PITPNA: variants seen among roughly 807,000 people sequenced by gnomAD.
The protein encoded by PITPNA is phosphatidylinositol transfer protein alpha isoform.
In PITPNA, 13 loss-of-function variants were observed where a neutral mutation model predicts 50.3. The ratio of observed to expected loss-of-function variants is 0.26; its 90% CI spans 0.17 to 0.41. The LOEUF (loss-of-function observed/expected upper bound fraction) is 0.41. PITPNA is among the 10% of genes least tolerant of loss of function. The pLI, the probability that PITPNA is intolerant of heterozygous loss-of-function variation, is 1.00. For synonymous variants in PITPNA, 120 were observed against 119.6 expected (o/e 1.00, Z -0.02); for missense variants, 207 against 333.4 (o/e 0.62, Z 2.95).
intron 2 of PITPNA, among the ~76,000 whole-genome samples, chr17:1,553,400 T>G (rs2075719460): frequency 6.6e-6 from 1 of 152,106 alleles, no homozygotes; most frequent in Non-Finnish European, 1.5e-5. Context: ...CAGGGTTTAT[T>G]TTTATTTATT....
intron 4 of PITPNA, among the ~76,000 whole-genome samples, chr17:1,545,298 G>T (rs1309469042): frequency 6.6e-6 from 1 of 152,210 alleles, no homozygotes; most frequent in Non-Finnish European, 1.5e-5. Flanking sequence ...AAGCCATGAG[G>T]CATTTTACTT....
chr17:1,527,829 G>A (rs763483368), intron 10 of PITPNA, among the ~76,000 whole-genome samples: 2 of 152,186 alleles, frequency 1.3e-5, no homozygotes, highest in South Asian at 2.1e-4. Flanking sequence ...ATCTTTCCAC[G>A]TTATTTTTTA....
intron 3 of PITPNA, among the ~76,000 whole-genome samples, chr17:1,550,950 C>T (rs912052704): frequency 6.6e-6 from 1 of 152,138 alleles, no homozygotes; most frequent in East Asian, 1.9e-4. Context: ...ATGTTGGAGA[C>T]GCTGAGGAGA....
At chr17:1,541,814 T>C in intron 5 of PITPNA, 174 bp from the exon 6 acceptor site, 1 of 697,728 alleles carries the variant, frequency 1.4e-6, no homozygotes, top group Non-Finnish European at 2.7e-6. Flanking sequence ...GCATGTATTA[T>C]CCCATTCAAT....
intron 9 of PITPNA, among the ~76,000 whole-genome samples, chr17:1,534,613 G>C (rs921523252): frequency 1.3e-5 from 2 of 152,180 alleles, no homozygotes; most frequent in East Asian, 3.8e-4. Context: ...GCCCAAGTGA[G>C]GCTCAAACAT....
chr17:1,528,875 C>T (rs1237685972), intron 10 of PITPNA, among the ~76,000 whole-genome samples: 4 of 151,224 alleles, frequency 2.6e-5, no homozygotes, highest in South Asian at 2.1e-4. Context: ...TGGTGGCTCA[C>T]ACCTGTAATC....
At chr17:1,523,030 G>C (rs1331252913) in intron 10 of PITPNA, among the ~76,000 whole-genome samples, 2 of 152,168 alleles carry the variant, frequency 1.3e-5, no homozygotes, top group Non-Finnish European at 2.9e-5. Flanking sequence ...CTAGGCACAA[G>C]GATGCAGAGG....
chr17:1,533,636 A>G (rs2075597209), intron 10 of PITPNA, among the ~76,000 whole-genome samples: 1 of 152,072 alleles, frequency 6.6e-6, no homozygotes, highest in Non-Finnish European at 1.5e-5. Flanking sequence ...AAGAAAAGCA[A>G]AAGCTCTCAA....
Position 1,519,840 on chromosome 17 carries a change from C to G in PITPNA, c.*721G>C, listed in dbSNP as rs1345009996. 1 of 152,196 alleles carries G rather than the reference C, an allele frequency of 6.6e-6. No individual in the cohort carries two copies. The highest frequency in any genetic ancestry group is 2.4e-5 in the African/African-American group (1 of 41,400). The allele number at this position is 152,196 out of a possible 1,614,324, so 9.4% of individuals were successfully genotyped here. On this transcript the variant is annotated 3_prime_UTR_variant, in exon 12 of 12. Coordinates refer to ENST00000313486, the MANE Select transcript of PITPNA (RefSeq NM_006224.4). ...TTGTAGACTGCAGAGAGATTCAGAG[C>G]GGGCAACAGGAGGGCCAAGAAGCCA...
chr17:1,555,578 A>G (rs4299208), intron 2 of PITPNA, among the ~76,000 whole-genome samples: 47,461 of 152,090 alleles, frequency 0.31, 8,161 homozygotes, highest in East Asian at 0.57. Context: ...CTGTTCACCT[A>G]TCCCAGAGAA....
chr17:1,549,320 ATTTT>A (rs1250520585), intron 3 of PITPNA, among the ~76,000 whole-genome samples: 1 of 132,466 alleles, frequency 7.5e-6, no homozygotes, highest in Non-Finnish European at 1.6e-5. Flanking sequence ...AACATTTAGA[ATTTT>A]TTTTTTTTTT....
chr17:1,562,650 G>A lies in PITPNA; in HGVS notation c.-90C>T, dbSNP rs1267198695. On this transcript the variant is annotated 5_prime_UTR_variant, in exon 1 of 12. Coordinates refer to ENST00000313486, the MANE Select transcript of PITPNA (RefSeq NM_006224.4). This position sits in a 1 kb window ranked among gnomAD's most constrained non-coding sequence, Gnocchi z 6.4. ...CTCTCCCCGTGGCCCGGCCCGGCCC[G>A]GCTGCCTGTGCGTCTTCGTCGTGCT... 2.5e-5 allele frequency: 23 copies of A among 932,766 alleles called. No individual in the cohort carries two copies. Among genetic ancestry groups the A allele is most frequent in the Non-Finnish European group, 3.1e-5 (23 of 740,516 alleles). 57.8% of individuals were successfully genotyped at this position (932,766 alleles called of 1,614,324 possible).
chr17:1,534,232 G>C lies in PITPNA; in HGVS notation c.646-11C>G, dbSNP rs568501564. 1.2e-5 allele frequency: 20 copies of C among 1,613,656 alleles called. No individual in the cohort carries two copies. The East Asian group carries it at 4.0e-4, about 32-fold the overall frequency. ...CAGACGCCTCTCTTGCTATAGAAAG[G>C]AGGGAACCACGTTAGAACGCAGAAG... On this transcript the variant is annotated splice_polypyrimidine_tract_variant and intron_variant, in intron 9 of 11. Transcript: ENST00000313486.
rs1419117750 is a variant in PITPNA at position 1,521,608 on chromosome 17, T to C, written c.806A>G (p.Asp269Gly). ...QKDPVKGMTADD is the reference protein window; with the variant it reads ...QKDPVKGMTAGD ...CAGAGGGGAAAGGCGGCTTTAGTCA[T>C]CTGCTGTCATTCCTTTCACTGGGTC... The change falls in exon 11 of 12, where the codon GAT (aspartate) becomes GGT (glycine). Residue 269 changes from aspartate (D) to glycine (G), a missense_variant. By Grantham distance (94) the Asp-to-Gly change is moderately conservative. Transcript: ENST00000313486. 2 of 1,613,464 alleles carry C rather than the reference T, an allele frequency of 1.2e-6. No individual in the cohort carries two copies. The highest frequency in any genetic ancestry group is 1.7e-5 in the Admixed American group (1 of 59,986).
intron 10 of PITPNA, among the ~76,000 whole-genome samples, chr17:1,525,278 A>T (rs1446982219): frequency 6.6e-6 from 1 of 151,984 alleles, no homozygotes; most frequent in Non-Finnish European, 1.5e-5. Context: ...ATGAGCCACC[A>T]CACCCGGCCA....
In PITPNA at chr17:1,521,589, G is replaced by A. The variant is rs2075513003; in HGVS notation, c.*12C>T. ...AAATTTGGTACGTACAGTGCAGAGG[G>A]GAAAGGCGGCTTTAGTCATCTGCTG... is the stretch of plus-strand genomic sequence containing the variant. On this transcript the variant is annotated 3_prime_UTR_variant, in exon 11 of 12. Coordinates refer to ENST00000313486, the MANE Select transcript of PITPNA (RefSeq NM_006224.4). The A allele has an allele frequency of 8.7e-6, 14 of 1,611,436 alleles. No homozygotes were observed. Among genetic ancestry groups the A allele is most frequent in the Non-Finnish European group, 1.2e-5 (14 of 1,177,568 alleles).
intron 10 of PITPNA, among the ~76,000 whole-genome samples, chr17:1,531,036 C>T (rs749487645): frequency 1.8e-4 from 28 of 152,176 alleles, no homozygotes; most frequent in Non-Finnish European, 3.4e-4. Flanking sequence ...AAGCAACCAC[C>T]CTCCTTTCCT....
At position 1,517,873 on chromosome 17, in the gene PITPNA, C is replaced by T. The variant is rs904028688; in HGVS notation, c.*2688G>A. On this transcript the variant is annotated 3_prime_UTR_variant, in exon 12 of 12. Transcript: ENST00000313486. ...GCAGAAATCCACGTGCAAAAATTTT[C>T]AGACACACCTTTGTACCTCTTCCTA... The T allele has an allele frequency of 6.6e-6, 1 of 152,490 alleles. No individual in the cohort carries two copies. Among genetic ancestry groups the T allele is most frequent in the Non-Finnish European group, 1.5e-5 (1 of 68,024 alleles). 9.4% of individuals were successfully genotyped at this position (152,490 alleles called of 1,614,324 possible). A position where few individuals can be genotyped will look rare whatever the true frequency, so the allele number is the denominator to read the frequency against.
intron 1 of PITPNA, among the ~76,000 whole-genome samples, chr17:1,561,891 G>A (rs567270837): frequency 6.6e-6 from 1 of 152,186 alleles, no homozygotes; most frequent in South Asian, 2.1e-4. Context: ...CCATCCACCC[G>A]GCTCTCCGTG....
Sources: gnomAD v4.1 joint callset for allele counts (sites outside exome capture counted in the v4.1 genomes callset) on GRCh38, gnomAD v4.1.1 for gene constraint, Gnocchi (gnomAD v3.1) non-coding constraint, MANE v1.5 for transcripts, NCBI Gene and HGNC (gene_info 2026-07-23, HGNC 2026-07-21) for gene names.